CACNB2: variants seen among roughly 807,000 people sequenced by gnomAD.
The protein encoded by CACNB2 is voltage-dependent L-type calcium channel subunit beta-2.
In CACNB2, 42 loss-of-function variants were observed where a neutral mutation model predicts 73.3. The observed-to-expected ratio is 0.57, with a 90% CI of 0.45 to 0.74. CACNB2 has a LOEUF of 0.74. CACNB2 is among the 30% of genes least tolerant of loss of function. The pLI, the probability that CACNB2 is intolerant of heterozygous loss-of-function variation, is 0.00. For missense variants in CACNB2, 940 were observed against 853.0 expected, an observed-to-expected ratio of 1.10 and a Z score of -1.27; for synonymous variants, 348 against 310.3, an observed-to-expected ratio of 1.12 and a Z score of -1.28.
chr10:18,231,398 C>A (rs2036220419), intron 2 of CACNB2, among the ~76,000 whole-genome samples: 1 of 152,154 alleles, frequency 6.6e-6, no homozygotes, highest in African/African-American at 2.4e-5. Context: ...AGGCTGGTCT[C>A]AAACTCTTGA....
intron 2 of CACNB2, among the ~76,000 whole-genome samples, chr10:18,253,225 T>C (rs1413205316): frequency 6.6e-6 from 1 of 152,198 alleles, no homozygotes; most frequent in African/African-American, 2.4e-5. Flanking sequence ...ACCTCTTCGC[T>C]TGAGTCCCTG....
chr10:18,177,908 G>C (rs1473413120), intron 2 of CACNB2, among the ~76,000 whole-genome samples: 1 of 152,114 alleles, frequency 6.6e-6, no homozygotes, highest in African/African-American at 2.4e-5. Context: ...GTGAGTTTGG[G>C]GTGCCAAGAT....
At chr10:18,491,427 T>C (rs1489846628) in intron 3 of CACNB2, among the ~76,000 whole-genome samples, 5 of 151,928 alleles carry the variant, frequency 3.3e-5, no homozygotes, top group Non-Finnish European at 7.4e-5. Context: ...CTTCAAAAAG[T>C]AAAAATAAAA....
At chr10:18,212,264 A>G (rs1031103560) in intron 2 of CACNB2, among the ~76,000 whole-genome samples, 7 of 152,142 alleles carry the variant, frequency 4.6e-5, no homozygotes, top group African/African-American at 1.7e-4. Flanking sequence ...ATTCCCCCAC[A>G]TTTTATGAAC....
chr10:18,498,477 A>C lies in CACNB2; in HGVS notation c.456A>C (p.Glu152Asp). 6.2e-7 allele frequency: 1 copy of C among 1,613,992 alleles called. No individual in the cohort carries two copies. The highest frequency in any genetic ancestry group is 8.5e-7 in the Non-Finnish European group (1 of 1,179,906). Residue 152 changes from glutamate (E) to aspartate (D), a missense_variant and splice_region_variant, in exon 4 of 14, where the codon GAA becomes GAC. Coordinates refer to ENST00000324631, the MANE Select transcript of CACNB2 (RefSeq NM_201596.3). ...CAAAAGATTTTCTGCATGTTAAGGA[A>C]GTAAGGAGAATAATTTCATTTTCTA... ...FEAKDFLHVKEKFNNDWWIGR... is the reference protein window; with the variant it reads ...FEAKDFLHVKDKFNNDWWIGR...
chr10:18,331,458 A>G (rs2040802678), intron 2 of CACNB2, among the ~76,000 whole-genome samples: 1 of 112,944 alleles, frequency 8.9e-6, no homozygotes, highest in Non-Finnish European at 1.8e-5. Context: ...CATCTCATTT[A>G]AAAAAAAAAA....
chr10:18,250,179 C>T (rs1451362188), intron 2 of CACNB2, among the ~76,000 whole-genome samples: 2 of 152,320 alleles, frequency 1.3e-5, no homozygotes, highest in Admixed American at 1.3e-4. Flanking sequence ...CTCTGTGTTT[C>T]CTCATTAGCT....
chr10:18,172,348 A>T (rs1221044888), intron 2 of CACNB2, among the ~76,000 whole-genome samples: 1 of 152,230 alleles, frequency 6.6e-6, no homozygotes, highest in African/African-American at 2.4e-5. Flanking sequence ...TGGGCGACAC[A>T]GCAAGACTCC....
intron 2 of CACNB2, among the ~76,000 whole-genome samples, chr10:18,387,426 C>T (rs1480290536): frequency 2.6e-5 from 4 of 152,246 alleles, no homozygotes; most frequent in East Asian, 3.9e-4. Flanking sequence ...TCCCTCATGT[C>T]CACTGGGAGT....
chr10:18,535,164 T>TA (rs1334326839), intron 11 of CACNB2, among the ~76,000 whole-genome samples: 6 of 152,216 alleles, frequency 3.9e-5, no homozygotes, highest in African/African-American at 4.8e-5. Context: ...TGAATAACAT[T>TA]AATTTTCAAG....
In CACNB2 at chr10:18,513,362, T is replaced by C. The variant is rs76959272; in HGVS notation, c.671-874T>C. The C allele has an allele frequency of 4.9e-3, 841 of 171,538 alleles. 8 individuals are homozygous for C. Among genetic ancestry groups the C allele is most frequent in the African/African-American group, 0.019 (792 of 42,108 alleles). 10.6% of individuals were successfully genotyped at this position (171,538 alleles called of 1,614,324 possible). ...CTTCAAATGTAGAAAGACCATAGAA[T>C]GGTCAATGTTGAATTCTTCAGCAAC... On this transcript the variant is annotated intron_variant, in intron 6 of 13. Transcript: ENST00000324631.
chr10:18,320,814 T>C (rs1224915197), intron 2 of CACNB2, among the ~76,000 whole-genome samples: 3 of 152,240 alleles, frequency 2.0e-5, no homozygotes, highest in African/African-American at 4.8e-5. Context: ...TCACTTCCTG[T>C]CCAGCAACAT....
At chr10:18,525,630 C>A (rs1180471023) in intron 9 of CACNB2, among the ~76,000 whole-genome samples, 1 of 152,070 alleles carries the variant, frequency 6.6e-6, no homozygotes, top group African/African-American at 2.4e-5. Context: ...GGTATTTCAA[C>A]CCGTGTGCCG....
intron 3 of CACNB2, among the ~76,000 whole-genome samples, chr10:18,443,200 C>T (rs1237646991): frequency 6.6e-6 from 1 of 151,488 alleles, no homozygotes; most frequent in Non-Finnish European, 1.5e-5. Flanking sequence ...CAATTCAGTG[C>T]CTGAATGCTG....
chr10:18,203,095 G>A (rs2034951695), intron 2 of CACNB2, among the ~76,000 whole-genome samples: 1 of 152,178 alleles, frequency 6.6e-6, no homozygotes, highest in Non-Finnish European at 1.5e-5. Flanking sequence ...ATATTCTGCA[G>A]TACCTCATGG....
At chr10:18,430,128 TG>T (rs2132817117) in intron 3 of CACNB2, among the ~76,000 whole-genome samples, 1 of 42,024 alleles carries the variant, frequency 2.4e-5, no homozygotes, top group Non-Finnish European at 4.4e-5. Flanking sequence ...ATCAAGAAGA[TG>T]TTAAAAAAAA....
chr10:18,222,529 G>A (rs1050727264), intron 2 of CACNB2, among the ~76,000 whole-genome samples: 1 of 152,120 alleles, frequency 6.6e-6, no homozygotes, highest in African/African-American at 2.4e-5. Flanking sequence ...TGTGATAATG[G>A]CTTTTGTTAT....
At chr10:18,219,912 G>A (rs2035663528) in intron 2 of CACNB2, among the ~76,000 whole-genome samples, 1 of 150,266 alleles carries the variant, frequency 6.7e-6, no homozygotes, top group South Asian at 2.1e-4. Flanking sequence ...TGGGACAGAT[G>A]CCCGCCACCA....
intron 2 of CACNB2, among the ~76,000 whole-genome samples, chr10:18,317,172 T>G (rs2040221934): frequency 6.8e-6 from 1 of 147,618 alleles, no homozygotes. Context: ...TCCAGAAACC[T>G]TCTCCTTGCT....
Sources: allele counts gnomAD v4.1 joint callset (sites outside exome capture counted in the v4.1 genomes callset), GRCh38; gene constraint gnomAD v4.1.1; transcripts MANE v1.5; gene names NCBI Gene and HGNC (gene_info 2026-07-23, HGNC 2026-07-21).